Variants in IL1RAPL2 observed in about 807,000 individuals in gnomAD.
The protein encoded by IL1RAPL2 is interleukin 1 receptor accessory protein like 2.
A neutral mutation model predicts 44.1 loss-of-function variants in IL1RAPL2; 3 were observed. That is an observed-to-expected ratio of 0.07 (90% CI 0.03 to 0.18). The LOEUF is 0.18. IL1RAPL2 is among the 10% of genes least tolerant of loss of function. The pLI is 1.00. For synonymous variants in IL1RAPL2, 181 were observed against 178.8 expected, an observed-to-expected ratio of 1.01 and a Z score of -0.10; for missense variants, 391 against 496.4, an observed-to-expected ratio of 0.79 and a Z score of 2.02.
At chrX:105,346,233 G>A (rs1377057620) in intron 5 of IL1RAPL2, among the ~76,000 whole-genome samples, 2 of 111,734 alleles carry the variant, frequency 1.8e-5, no homozygotes, top group African/African-American at 3.3e-5. Flanking sequence ...CCTGTAAACC[G>A]GGAGTCAACA....
chrX:104,910,968 CAG>C (rs946211476), intron 2 of IL1RAPL2, among the ~76,000 whole-genome samples: 2 of 111,848 alleles, frequency 1.8e-5, no homozygotes, highest in African/African-American at 6.5e-5. Flanking sequence ...ATAGATATAA[CAG>C]AGATTTGAAT....
At chrX:104,916,731 G>C (rs1355774536) in intron 2 of IL1RAPL2, among the ~76,000 whole-genome samples, 1 of 111,107 alleles carries the variant, frequency 9.0e-6, no homozygotes, top group African/African-American at 3.3e-5. Flanking sequence ...TTATTATGTT[G>C]AGTTATGTCC....
At chrX:105,602,586 C>T (rs1415384977) in intron 6 of IL1RAPL2, among the ~76,000 whole-genome samples, 1 of 110,109 alleles carries the variant, frequency 9.1e-6, no homozygotes, top group African/African-American at 3.3e-5. Flanking sequence ...CAAGGGGGCT[C>T]AAAAATTCCC....
intron 2 of IL1RAPL2, among the ~76,000 whole-genome samples, chrX:104,912,621 T>G (rs145339518): frequency 8.9e-6 from 1 of 111,871 alleles, no homozygotes; most frequent in Non-Finnish European, 1.9e-5. Flanking sequence ...AAAATACTTA[T>G]TTTTAATGTG....
intron 2 of IL1RAPL2, among the ~76,000 whole-genome samples, chrX:104,939,701 T>C (rs1358021706): frequency 8.9e-6 from 1 of 111,949 alleles, no homozygotes; most frequent in Non-Finnish European, 1.9e-5. Context: ...TCCAAGTGTC[T>C]ATCAACAGAT....
Position 105,375,037 on chromosome X carries a change from A to G in IL1RAPL2, c.697+107496A>G, listed in dbSNP as rs1356792649. Among the ~76,000 whole-genome samples the G allele has an allele frequency of 3.6e-5, 4 of 109,820 alleles. 1 individual carries two copies. Among genetic ancestry groups the G allele is most frequent in the Admixed American group, 9.8e-5 (1 of 10,229 alleles). On this transcript the variant is annotated intron_variant, in intron 5 of 10. Coordinates refer to ENST00000372582, the MANE Select transcript of IL1RAPL2 (RefSeq NM_017416.2). ...CCTAAGGAGCTTTTGGGCTAAGTGT[A>G]TAAGGTTTTCTAGATATAAAATCAT...
chrX:104,612,702 A>T (rs532155102), intron 1 of IL1RAPL2, among the ~76,000 whole-genome samples: 1 of 110,724 alleles, frequency 9.0e-6, no homozygotes. Flanking sequence ...TTTTTTTTCT[A>T]GTTCTGTGAA....
chrX:104,905,509 G>A lies in IL1RAPL2; in HGVS notation c.82+246514G>A, dbSNP rs1163457283. ...GGTGTAAAGAAGGGATCCAGTTTCA[G>A]CTTTCTACATATGGCTAGCCAATTT... On this transcript the variant is annotated intron_variant, in intron 2 of 10. Transcript: ENST00000372582. 3.6e-5 allele frequency among the ~76,000 whole-genome samples: 4 copies of A among 111,744 alleles called. No individual in the cohort carries two copies. In the East Asian group the frequency reaches 1.1e-3, roughly 31 times the overall value.
chrX:104,572,431 T>C (rs1054712698), intron 1 of IL1RAPL2, among the ~76,000 whole-genome samples: 1 of 112,109 alleles, frequency 8.9e-6, no homozygotes, highest in Non-Finnish European at 1.9e-5. Flanking sequence ...ATATATCTTT[T>C]GTGCCCTTGC....
intron 2 of IL1RAPL2, among the ~76,000 whole-genome samples, chrX:104,910,341 AC>A (rs1924195379): frequency 8.9e-6 from 1 of 112,163 alleles, no homozygotes; most frequent in African/African-American, 3.2e-5. Flanking sequence ...GGAACTGTAG[AC>A]TGGAGCTGTT....
At chrX:104,808,600 A>G (rs995204713) in intron 2 of IL1RAPL2, among the ~76,000 whole-genome samples, 1 of 111,751 alleles carries the variant, frequency 8.9e-6, no homozygotes, top group Non-Finnish European at 1.9e-5. Flanking sequence ...CAAGTCAGCC[A>G]TTCAAGTGCA....
intron 2 of IL1RAPL2, among the ~76,000 whole-genome samples, chrX:105,037,508 A>G (rs2031651071): frequency 9.0e-6 from 1 of 111,104 alleles, no homozygotes; most frequent in Admixed American, 9.6e-5. Flanking sequence ...AGCACCTTCT[A>G]TGTGCCAGTC....
chrX:104,892,793 T>G (rs918727194), intron 2 of IL1RAPL2, among the ~76,000 whole-genome samples: 1 of 111,883 alleles, frequency 8.9e-6, no homozygotes, highest in Non-Finnish European at 1.9e-5. Context: ...TCTATCTCCT[T>G]CAGTTCTGCT....
At chrX:104,585,363 A>T (rs1005588580) in intron 1 of IL1RAPL2, among the ~76,000 whole-genome samples, 5 of 23,975 alleles carry the variant, frequency 2.1e-4, no homozygotes, top group Non-Finnish European at 2.8e-4. Context: ...TATATATATT[A>T]TATATATTAT....
chrX:105,163,218 T>C (rs768949285), intron 2 of IL1RAPL2, among the ~76,000 whole-genome samples: 13 of 111,824 alleles, frequency 1.2e-4, no homozygotes, highest in Middle Eastern at 9.2e-3. Flanking sequence ...AAAATATTTA[T>C]CGTGAGGCCC....
chrX:105,645,016 A>C (rs1244118139), intron 6 of IL1RAPL2, among the ~76,000 whole-genome samples: 1 of 111,575 alleles, frequency 9.0e-6, no homozygotes, highest in Non-Finnish European at 1.9e-5. Flanking sequence ...ATTGATGGGC[A>C]TTTGGGTTGG....
At chrX:104,879,718 T>C (rs1162272390) in intron 2 of IL1RAPL2, among the ~76,000 whole-genome samples, 3 of 111,962 alleles carry the variant, frequency 2.7e-5, no homozygotes, top group Non-Finnish European at 5.6e-5. Context: ...ATTTTGTAAA[T>C]GTAGCAAATT....
At chrX:105,549,835 A>G (rs2036837609) in intron 6 of IL1RAPL2, among the ~76,000 whole-genome samples, 2 of 111,969 alleles carry the variant, frequency 1.8e-5, no homozygotes, top group African/African-American at 6.5e-5. Context: ...ACCTGAACCT[A>G]GAATCCGTCT....
chrX:105,240,550 G>T (rs2034161966), intron 4 of IL1RAPL2, among the ~76,000 whole-genome samples: 1 of 111,366 alleles, frequency 9.0e-6, no homozygotes, highest in South Asian at 3.7e-4. Flanking sequence ...TGCTTTTCAG[G>T]GTCCTTTCCA....
Sources: gnomAD v4.1 joint callset for allele counts (sites outside exome capture counted in the v4.1 genomes callset) on GRCh38, gnomAD v4.1.1 for gene constraint, MANE v1.5 for transcripts, NCBI Gene and HGNC (gene_info 2026-07-23, HGNC 2026-07-21) for gene names.